FBLN7: variants seen among roughly 807,000 people sequenced by gnomAD.
FBLN7 encodes the protein fibulin-7.
In FBLN7, 31 loss-of-function variants were observed where a neutral mutation model predicts 44.0. The observed-to-expected ratio is 0.70, with a 90% CI of 0.53 to 0.95. The LOEUF (loss-of-function observed/expected upper bound fraction) is 0.95. Ranked by LOEUF, FBLN7 falls within the 40% of genes least tolerant of loss-of-function variation. The pLI is 0.00. For missense variants in FBLN7, 573 were observed against 618.5 expected, an observed-to-expected ratio of 0.93 and a Z score of 0.78; for synonymous variants, 262 against 253.4, an observed-to-expected ratio of 1.03 and a Z score of -0.32.
At chr2:112,169,826 G>A (rs1682356242) in intron 3 of FBLN7, among the ~76,000 whole-genome samples, 1 of 152,140 alleles carries the variant, frequency 6.6e-6, no homozygotes, top group Non-Finnish European at 1.5e-5. Context: ...AACAGCACGG[G>A]GCAAGGAGCA....
the FBLN7 span, among the ~76,000 whole-genome samples, chr2:112,234,977 A>C: frequency 6.6e-6 from 1 of 152,170 alleles, no homozygotes; most frequent in East Asian, 1.9e-4. Flanking sequence ...CACACTTATC[A>C]GCTCAAATTA....
At chr2:112,203,836 T>G in the FBLN7 span, among the ~76,000 whole-genome samples, 1 of 152,140 alleles carries the variant, frequency 6.6e-6, no homozygotes, top group Non-Finnish European at 1.5e-5. Flanking sequence ...CAAAAACCCC[T>G]GATAAAACCA....
chr2:112,201,058 C>A, the FBLN7 span, among the ~76,000 whole-genome samples: 4 of 152,068 alleles, frequency 2.6e-5, no homozygotes, highest in Admixed American at 2.6e-4. Flanking sequence ...TCAGGGAGGA[C>A]AATTTGAGAC....
At chr2:112,199,677 G>C in the FBLN7 span, among the ~76,000 whole-genome samples, 1 of 152,150 alleles carries the variant, frequency 6.6e-6, no homozygotes, top group Non-Finnish European at 1.5e-5. Flanking sequence ...GTTTGAATGT[G>C]CCCCCAAATG....
the FBLN7 span, among the ~76,000 whole-genome samples, chr2:112,217,841 C>T: frequency 2.6e-5 from 4 of 152,222 alleles, no homozygotes; most frequent in East Asian, 5.8e-4. Flanking sequence ...TCCTGTCAAA[C>T]ATCTATATCT....
the FBLN7 span, among the ~76,000 whole-genome samples, chr2:112,228,065 G>C: frequency 6.6e-6 from 1 of 152,182 alleles, no homozygotes; most frequent in African/African-American, 2.4e-5. Context: ...TAGTAATCAA[G>C]ACACTGTGAT....
chr2:112,156,130 C>G (rs531407357), intron 1 of FBLN7, among the ~76,000 whole-genome samples: 4 of 152,358 alleles, frequency 2.6e-5, no homozygotes, highest in Non-Finnish European at 5.9e-5. Flanking sequence ...AGGTGCCCAA[C>G]CTGAACTTTG....
intron 1 of FBLN7, among the ~76,000 whole-genome samples, chr2:112,159,040 A>C (rs1467928766): frequency 6.6e-6 from 1 of 152,192 alleles, no homozygotes. Context: ...TGAACAAGCA[A>C]ACAAAAAGTA....
intron 1 of FBLN7, among the ~76,000 whole-genome samples, chr2:112,150,350 G>A (rs1681099247): frequency 6.6e-6 from 1 of 151,978 alleles, no homozygotes; most frequent in Admixed American, 6.6e-5. Context: ...GGACCACTGA[G>A]CTCCAAGACA....
the FBLN7 span, among the ~76,000 whole-genome samples, chr2:112,198,881 T>G: frequency 1.1e-4 from 16 of 152,252 alleles, no homozygotes; most frequent in Middle Eastern, 3.4e-3. Context: ...TGCACTAAGA[T>G]ACACCCTCAG....
At position 112,187,890 on chromosome 2, in the gene FBLN7, G is replaced by A. The variant is rs1558900258; in HGVS notation, c.*384G>A. Reference sequence around the variant, plus strand: ...TGACTATCAGCCCTTCTGCCTTTTTGTAGCCAGGCTTGCTATGAATGAAAC... The same window carrying A: ...TGACTATCAGCCCTTCTGCCTTTTTATAGCCAGGCTTGCTATGAATGAAAC... On this transcript the variant is annotated 3_prime_UTR_variant, in exon 8 of 8. Transcript: ENST00000331203. This position sits in a 1 kb window ranked among gnomAD's most constrained non-coding sequence, Gnocchi z 5.1. 3.0e-6 allele frequency: 1 copy of A among 330,176 alleles called. No homozygotes were observed. The allele number at this position is 330,176 out of a possible 1,614,324, so 20.5% of individuals were successfully genotyped here.
Position 112,181,849 on chromosome 2 carries a change from G to C in FBLN7, c.643G>C (p.Gly215Arg). ...CSCEAGFHLS[G>R]AAGDSVCQDV... ...CTGCGAGGCCGGATTCCACCTGAGC[G>C]GCGCCGCCGGCGACAGCGTCTGCCA... The change falls in exon 5 of 8, where the codon GGC (glycine) becomes CGC (arginine). Residue 215 changes from glycine (G) to arginine (R), a missense_variant. Transcript: ENST00000331203. 3 of 1,526,762 alleles carry C rather than the reference G, an allele frequency of 2.0e-6. No homozygotes were observed. Among genetic ancestry groups the C allele is most frequent in the Non-Finnish European group, 2.6e-6 (3 of 1,142,632 alleles). The allele number at this position is 1,526,762 out of a possible 1,614,324, so 94.6% of individuals were successfully genotyped here.
At chr2:112,216,112 T>C in the FBLN7 span, 3 of 152,324 alleles carry the variant, frequency 2.0e-5, no homozygotes, top group Admixed American at 2.0e-4. Flanking sequence ...TCAAACCTCC[T>C]CTACCTCTTT....
chr2:112,229,953 A>C, the FBLN7 span, among the ~76,000 whole-genome samples: 3 of 151,912 alleles, frequency 2.0e-5, no homozygotes, highest in Non-Finnish European at 2.9e-5. Flanking sequence ...AAAAAAAAAA[A>C]ACAAAAAACG....
intron 2 of FBLN7, among the ~76,000 whole-genome samples, chr2:112,160,045 C>T (rs1371196038): frequency 4.6e-5 from 7 of 152,044 alleles, no homozygotes; most frequent in African/African-American, 9.7e-5. Context: ...GGCTGGAGTG[C>T]AGTGGCGCGA....
chr2:112,235,348 G>GA, the FBLN7 span, among the ~76,000 whole-genome samples: 1 of 152,110 alleles, frequency 6.6e-6, no homozygotes, highest in Non-Finnish European at 1.5e-5. Flanking sequence ...TCCTTGTGTA[G>GA]AAGGGCTGTC....
intron 1 of FBLN7, among the ~76,000 whole-genome samples, chr2:112,157,501 G>A (rs1177088068): frequency 6.6e-6 from 1 of 152,132 alleles, no homozygotes; most frequent in East Asian, 1.9e-4. Context: ...GTAACACACA[G>A]CCCCCAGTGA....
At chr2:112,240,982 T>C in the FBLN7 span, among the ~76,000 whole-genome samples, 15 of 140,752 alleles carry the variant, frequency 1.1e-4, no homozygotes, top group East Asian at 2.2e-3. Context: ...TGTGTGTGTG[T>C]GTGCGCGTGT....
In FBLN7 at chr2:112,138,524, C is replaced by A. The variant is rs559954773; in HGVS notation, c.-132C>A. Reference sequence around the variant, plus strand: ...TGCGCTCGGGGCCTCCCGCCTCCCCCCCTGCCCCAGCCGCCCCCCGGCCGC... The same window carrying A: ...TGCGCTCGGGGCCTCCCGCCTCCCCACCTGCCCCAGCCGCCCCCCGGCCGC... On this transcript the variant is annotated 5_prime_UTR_variant, in exon 1 of 8. Coordinates refer to ENST00000331203, the MANE Select transcript of FBLN7 (RefSeq NM_153214.3). 74 of 1,336,638 alleles carry A rather than the reference C, an allele frequency of 5.5e-5. No individual in the cohort carries two copies. Among genetic ancestry groups the A allele is most frequent in the South Asian group, 9.6e-5 (7 of 73,136 alleles). The allele number at this position is 1,336,638 out of a possible 1,614,324, so 82.8% of individuals were successfully genotyped here. A position where few individuals can be genotyped will look rare whatever the true frequency, so the allele number is the denominator to read the frequency against.
Sources: gnomAD v4.1 joint callset for allele counts (sites outside exome capture counted in the v4.1 genomes callset) on GRCh38, gnomAD v4.1.1 for gene constraint, Gnocchi (gnomAD v3.1) non-coding constraint, MANE v1.5 for transcripts, NCBI Gene and HGNC (gene_info 2026-07-23, HGNC 2026-07-21) for gene names.